Variants in TAOK3 observed in about 807,000 individuals in gnomAD.
TAOK3 encodes the protein serine/threonine-protein kinase TAO3.
Under a neutral mutation model 120.4 loss-of-function variants are expected in TAOK3, and 40 were observed. That is an observed-to-expected ratio of 0.33 (90% CI 0.26 to 0.43). The LOEUF (loss-of-function observed/expected upper bound fraction) is 0.43. Ranked by LOEUF, TAOK3 falls within the 20% of genes least tolerant of loss-of-function variation. TAOK3 has a pLI of 1.00. For missense variants in TAOK3, 821 were observed against 1,112.1 expected (o/e 0.74, Z 3.72); for synonymous variants, 355 against 387.5 (o/e 0.92, Z 0.99).
At chr12:118,198,384 TTCTTC>T (rs2037841896) in intron 13 of TAOK3, 1 of 135,966 alleles carries the variant, frequency 7.4e-6, no homozygotes, top group South Asian at 2.4e-4. Context: ...TTCTTTCTTC[TTCTTC>T]TTTTTTTTTT....
rs1444954531 is a variant in TAOK3 at position 118,213,885 on chromosome 12, G to T, written c.737+132C>A. On this transcript the variant is annotated intron_variant, in intron 10 of 20. Transcript: ENST00000392533. ...GACAGTTGATGCTTGTGAGGCATCA[G>T]TGTCACTTGTAACAACATACAGTGA... 8.0e-6 allele frequency: 6 copies of T among 754,158 alleles called. 1 individual carries two copies. The highest frequency in any genetic ancestry group is 1.3e-5 in the Non-Finnish European group (6 of 463,930). The allele number at this position is 754,158 out of a possible 1,614,324, so 46.7% of individuals were successfully genotyped here.
intron 1 of TAOK3, among the ~76,000 whole-genome samples, chr12:118,317,181 C>T (rs937122328): frequency 7.7e-5 from 11 of 142,482 alleles, no homozygotes; most frequent in African/African-American, 1.3e-4. Context: ...GAGAATTGCT[C>T]GAAACTGTGA....
chr12:118,238,092 A>C lies in TAOK3; in HGVS notation c.418T>G (p.Ser140Ala). 1 of 1,605,600 alleles carries C rather than the reference A, an allele frequency of 6.2e-7. No homozygotes were observed. The highest frequency in any genetic ancestry group is 8.5e-7 in the Non-Finnish European group (1 of 1,173,668). The change falls in exon 7 of 21, where the codon TCT becomes GCT. Residue 140 changes from serine (S) to alanine (A), a missense_variant. Ser to Ala is a moderately conservative substitution (Grantham distance 99, BLOSUM62 1). Transcript: ENST00000392533. Reference sequence around the variant, plus strand: ...TCTTACCTATGAATCAATGCATGAGAATGTAGGTAGGCTAGTCCATGCAAG... The same window carrying C: ...TCTTACCTATGAATCAATGCATGAGCATGTAGGTAGGCTAGTCCATGCAAG... ...GALHGLAYLHSHALIHRDIKA... is the reference protein window; with the variant it reads ...GALHGLAYLHAHALIHRDIKA...
intron 14 of TAOK3, among the ~76,000 whole-genome samples, chr12:118,188,915 A>C (rs1355665866): frequency 1.6e-5 from 2 of 122,014 alleles, no homozygotes; most frequent in Non-Finnish European, 3.3e-5. Flanking sequence ...CAAGGATGAA[A>C]CGATGTGAGT....
intron 14 of TAOK3, among the ~76,000 whole-genome samples, chr12:118,183,909 C>T (rs769626843): frequency 6.6e-6 from 1 of 152,194 alleles, no homozygotes; most frequent in Non-Finnish European, 1.5e-5. Context: ...AAAATATTCT[C>T]AGGATGGTCA....
intron 9 of TAOK3, among the ~76,000 whole-genome samples, chr12:118,215,960 G>T (rs1239750239): frequency 6.6e-6 from 1 of 152,106 alleles, no homozygotes; most frequent in Non-Finnish European, 1.5e-5. Context: ...AACACTTTGG[G>T]AGGCCGAGGC....
chr12:118,204,472 T>C (rs2139332665), intron 11 of TAOK3, among the ~76,000 whole-genome samples: 1 of 152,318 alleles, frequency 6.6e-6, no homozygotes, highest in South Asian at 2.1e-4. Flanking sequence ...TGGTTCTGCA[T>C]TCTGACTCTC....
At chr12:118,231,726 C>T (rs1394493949) in intron 9 of TAOK3, among the ~76,000 whole-genome samples, 1 of 151,882 alleles carries the variant, frequency 6.6e-6, no homozygotes, top group Non-Finnish European at 1.5e-5. Context: ...GAGTTCAAGA[C>T]CAGCCTGACC....
intron 13 of TAOK3, among the ~76,000 whole-genome samples, chr12:118,192,947 T>C (rs1214951107): frequency 6.6e-6 from 1 of 151,920 alleles, no homozygotes; most frequent in African/African-American, 2.4e-5. Context: ...ATGGTTATAA[T>C]TTATCTTTAA....
chr12:118,256,605 T>C (rs1457959771), intron 2 of TAOK3, among the ~76,000 whole-genome samples: 1 of 152,178 alleles, frequency 6.6e-6, no homozygotes, highest in Non-Finnish European at 1.5e-5. Context: ...GGCTGCAACA[T>C]GAATGAACCT....
chr12:118,189,121 A>G (rs746394036), intron 14 of TAOK3, among the ~76,000 whole-genome samples: 5 of 152,202 alleles, frequency 3.3e-5, no homozygotes, highest in Non-Finnish European at 5.9e-5. Context: ...ATCCTCTCCT[A>G]CAAAGCCCTT....
chr12:118,355,549 G>A (rs1436171564), intron 1 of TAOK3, among the ~76,000 whole-genome samples: 1 of 152,188 alleles, frequency 6.6e-6, no homozygotes, highest in Non-Finnish European at 1.5e-5. Flanking sequence ...AGTACACAAT[G>A]TGGTAAGAGG....
At chr12:118,209,122 G>A (rs2038490256) in intron 11 of TAOK3, among the ~76,000 whole-genome samples, 1 of 152,122 alleles carries the variant, frequency 6.6e-6, no homozygotes, top group South Asian at 2.1e-4. Flanking sequence ...AAATGCGTTG[G>A]TTAAACAAAT....
intron 1 of TAOK3, among the ~76,000 whole-genome samples, chr12:118,339,979 A>C (rs1037658512): frequency 2.0e-4 from 30 of 152,220 alleles, no homozygotes; most frequent in Non-Finnish European, 4.3e-4. Flanking sequence ...TTAATATCTT[A>C]ACCACCAAAA....
chr12:118,318,736 C>A (rs1308991157), intron 1 of TAOK3, among the ~76,000 whole-genome samples: 2 of 152,002 alleles, frequency 1.3e-5, no homozygotes, highest in African/African-American at 4.8e-5. Flanking sequence ...TGATACACAT[C>A]CAAAGGAAAT....
At chr12:118,304,412 C>T (rs2042978774) in intron 1 of TAOK3, among the ~76,000 whole-genome samples, 2 of 152,074 alleles carry the variant, frequency 1.3e-5, no homozygotes, top group South Asian at 4.1e-4. Flanking sequence ...TAATATTAAC[C>T]AAAAAGAAGC....
intron 11 of TAOK3, among the ~76,000 whole-genome samples, chr12:118,204,665 C>G (rs1014175097): frequency 6.6e-6 from 1 of 152,170 alleles, no homozygotes; most frequent in Admixed American, 6.5e-5. Flanking sequence ...AAGAGCTAAT[C>G]GGTTTTTAGT....
intron 3 of TAOK3, among the ~76,000 whole-genome samples, 189 bp downstream of exon 3, chr12:118,255,259 T>C (rs943336845): frequency 1.3e-5 from 2 of 152,094 alleles, no homozygotes; most frequent in Non-Finnish European, 2.9e-5. Flanking sequence ...GTAGAGAACA[T>C]GTAGAGTTCA....
chr12:118,212,100 C>G (rs1349303943), intron 11 of TAOK3, among the ~76,000 whole-genome samples: 1 of 152,152 alleles, frequency 6.6e-6, no homozygotes, highest in African/African-American at 2.4e-5. Context: ...ATTATAAAGG[C>G]AAACATTTTT....
Sources: allele counts gnomAD v4.1 joint callset (sites outside exome capture counted in the v4.1 genomes callset), GRCh38; gene constraint gnomAD v4.1.1; transcripts MANE v1.5; gene names NCBI Gene and HGNC (gene_info 2026-07-23, HGNC 2026-07-21).